ACOXL: variants seen among roughly 807,000 people sequenced by gnomAD.
ACOXL encodes acyl-coenzyme A oxidase-like protein.
In ACOXL, 70 loss-of-function variants were observed where a neutral mutation model predicts 71.9. That is an observed-to-expected ratio of 0.97 (90% CI 0.80 to 1.19). The LOEUF (loss-of-function observed/expected upper bound fraction) is 1.19. ACOXL is among the 50% of genes most tolerant of loss of function. The pLI is 0.00. For synonymous variants in ACOXL, 253 were observed against 281.6 expected (o/e 0.90, Z 1.02); for missense variants, 703 against 736.3 (o/e 0.95, Z 0.52).
At chr2:110,874,389 A>T (rs1190722066) in intron 10 of ACOXL, among the ~76,000 whole-genome samples, 2 of 151,514 alleles carry the variant, frequency 1.3e-5, no homozygotes, top group Non-Finnish European at 2.9e-5. Context: ...GCCACACCTG[A>T]CATCCCTCGG....
intron 11 of ACOXL, among the ~76,000 whole-genome samples, chr2:110,913,559 T>C (rs1391357119): frequency 6.6e-6 from 1 of 152,168 alleles, no homozygotes; most frequent in African/African-American, 2.4e-5. Context: ...GTCAGAGTGA[T>C]AGAGATGGAA....
At chr2:110,947,236 CTG>C (rs2149392938) in intron 12 of ACOXL, among the ~76,000 whole-genome samples, 1 of 152,332 alleles carries the variant, frequency 6.6e-6, no homozygotes, top group South Asian at 2.1e-4. Flanking sequence ...GTTCTTCAGA[CTG>C]TTGATATTTA....
intron 9 of ACOXL, among the ~76,000 whole-genome samples, chr2:110,822,257 A>G (rs967401176): frequency 6.6e-5 from 10 of 152,120 alleles, no homozygotes; most frequent in Non-Finnish European, 1.0e-4. Flanking sequence ...ATTTGTATCT[A>G]TGTTAAGCTA....
intron 9 of ACOXL, among the ~76,000 whole-genome samples, chr2:110,825,381 A>C (rs1689050695): frequency 6.6e-6 from 1 of 151,234 alleles, no homozygotes; most frequent in Admixed American, 6.6e-5. Context: ...TCAAATTTGG[A>C]CTCCCCTCTA....
At chr2:110,961,542 G>C (rs960582626) in intron 12 of ACOXL, among the ~76,000 whole-genome samples, 3 of 152,140 alleles carry the variant, frequency 2.0e-5, no homozygotes, top group Non-Finnish European at 2.9e-5. Flanking sequence ...CACCGGAAAA[G>C]AGGAGAGCAA....
chr2:110,999,157 G>A (rs942553152), intron 14 of ACOXL, among the ~76,000 whole-genome samples: 1 of 152,120 alleles, frequency 6.6e-6, no homozygotes, highest in Non-Finnish European at 1.5e-5. Flanking sequence ...CCAAAGGGTT[G>A]GTTTTCTTTG....
intron 9 of ACOXL, among the ~76,000 whole-genome samples, chr2:110,832,646 C>T (rs1031311427): frequency 6.6e-6 from 1 of 151,624 alleles, no homozygotes; most frequent in African/African-American, 2.4e-5. Context: ...ATGACAAGTG[C>T]AGACTGGGAG....
In ACOXL at chr2:111,000,709, C is replaced by G. The variant is rs79800058; in HGVS notation, c.1281+4705C>G. Among the ~76,000 whole-genome samples, 633 of 152,328 alleles carry G rather than the reference C, an allele frequency of 4.2e-3. 9 individuals carry two copies. Among genetic ancestry groups the G allele is most frequent in the African/African-American group, 0.015 (610 of 41,592 alleles). ...AGCCGCATCTCTCCAGGCTCCCCCTCTGTCATCACATGACATACCCATGAT... is the reference window on the plus strand; with the variant it reads ...AGCCGCATCTCTCCAGGCTCCCCCTGTGTCATCACATGACATACCCATGAT... On this transcript the variant is annotated intron_variant, in intron 14 of 17. Coordinates refer to ENST00000439055, the MANE Select transcript of ACOXL (RefSeq NM_001142807.4).
chr2:111,063,935 AAGAGAG>A (rs758429945), intron 16 of ACOXL, among the ~76,000 whole-genome samples: 1 of 152,208 alleles, frequency 6.6e-6, no homozygotes, highest in South Asian at 2.1e-4. Context: ...AAATGAACGA[AAGAGAG>A]AGAGAAAGGA....
intron 8 of ACOXL, among the ~76,000 whole-genome samples, chr2:110,805,050 C>T (rs1686455599): frequency 6.6e-6 from 1 of 152,206 alleles, no homozygotes; most frequent in Admixed American, 6.5e-5. Flanking sequence ...TTTAATGTCT[C>T]AGGAAACCAC....
intron 1 of ACOXL, among the ~76,000 whole-genome samples, chr2:110,733,336 C>T (rs2104614585): frequency 6.6e-6 from 1 of 152,172 alleles, no homozygotes; most frequent in South Asian, 2.1e-4. Flanking sequence ...CTCAGGTCCT[C>T]GATGTCATCC....
chr2:110,751,284 G>A (rs534142917), intron 1 of ACOXL, among the ~76,000 whole-genome samples: 6 of 141,182 alleles, frequency 4.2e-5, no homozygotes, highest in African/African-American at 1.6e-4. Flanking sequence ...CTGGGCGAGA[G>A]CGAGACTCCG....
intron 9 of ACOXL, among the ~76,000 whole-genome samples, chr2:110,830,235 A>T (rs1689654491): frequency 6.6e-6 from 1 of 152,116 alleles, no homozygotes; most frequent in Non-Finnish European, 1.5e-5. Flanking sequence ...GTCTTTTTCC[A>T]CCTTATCTTC....
chr2:111,003,902 C>T (rs1313931573), intron 14 of ACOXL, among the ~76,000 whole-genome samples: 1 of 152,014 alleles, frequency 6.6e-6, no homozygotes, highest in African/African-American at 2.4e-5. Flanking sequence ...TAGCCCAAGG[C>T]AAAATAAAAG....
At chr2:110,822,004 T>TG (rs1205997837) in intron 9 of ACOXL, among the ~76,000 whole-genome samples, 2 of 151,992 alleles carry the variant, frequency 1.3e-5, no homozygotes, top group African/African-American at 4.8e-5. Context: ...CATGTATACA[T>TG]GCGGCTGTAT....
intron 12 of ACOXL, among the ~76,000 whole-genome samples, chr2:110,962,252 T>C (rs141710578): frequency 3.3e-5 from 5 of 152,380 alleles, no homozygotes; most frequent in African/African-American, 7.2e-5. Flanking sequence ...ATGAGTCCAC[T>C]GTAGCCTTAT....
At chr2:110,838,179 G>A (rs1248378663) in intron 9 of ACOXL, among the ~76,000 whole-genome samples, 2 of 152,342 alleles carry the variant, frequency 1.3e-5, no homozygotes, top group South Asian at 2.1e-4. Flanking sequence ...ATGCATGCAT[G>A]TATGCACATG....
chr2:110,793,775 C>T (rs1400427560), intron 4 of ACOXL, 39 bp downstream of exon 4: 1 of 1,517,622 alleles, frequency 6.6e-7, no homozygotes, highest in Non-Finnish European at 9.2e-7. Flanking sequence ...CTATGGAGAG[C>T]CTTAAAAATC....
intron 9 of ACOXL, among the ~76,000 whole-genome samples, chr2:110,824,538 G>T (rs1688959506): frequency 6.6e-6 from 1 of 151,330 alleles, no homozygotes; most frequent in African/African-American, 2.4e-5. Flanking sequence ...CTCTCTTTTG[G>T]GTAATTTATA....
Sources: gnomAD v4.1 joint callset for allele counts (sites outside exome capture counted in the v4.1 genomes callset) on GRCh38, gnomAD v4.1.1 for gene constraint, MANE v1.5 for transcripts, NCBI Gene and HGNC (gene_info 2026-07-23, HGNC 2026-07-21) for gene names.